The following PRKG1 variants were observed in gnomAD, a reference collection of about 807,000 sequenced individuals.
PRKG1 encodes cGMP-dependent protein kinase 1.
In PRKG1, 35 loss-of-function variants were observed where a neutral mutation model predicts 88.1. That is an observed-to-expected ratio of 0.40 (90% CI 0.30 to 0.53). PRKG1 has a LOEUF of 0.53. Among genes scored for constraint, PRKG1 ranks in the 20% least tolerant of loss-of-function variants. The pLI is 0.59. For synonymous variants in PRKG1, 303 were observed against 292.5 expected (o/e 1.04, Z -0.37); for missense variants, 540 against 839.8 (o/e 0.64, Z 4.41).
intron 3 of PRKG1, among the ~76,000 whole-genome samples, chr10:51,629,771 T>C (rs1053829989): frequency 6.6e-6 from 1 of 152,202 alleles, no homozygotes; most frequent in Non-Finnish European, 1.5e-5. Context: ...GGGTCGCGGA[T>C]CCATTCCTTT....
intron 7 of PRKG1, among the ~76,000 whole-genome samples, chr10:52,131,535 G>T (rs2132630478): frequency 6.6e-6 from 1 of 151,916 alleles, no homozygotes; most frequent in East Asian, 1.9e-4. Flanking sequence ...GTGGCAGGAG[G>T]GCGATGATGT....
chr10:51,550,117 T>C (rs1837089025), intron 3 of PRKG1, among the ~76,000 whole-genome samples: 1 of 152,102 alleles, frequency 6.6e-6, no homozygotes, highest in Non-Finnish European at 1.5e-5. Flanking sequence ...TCTCTAATAC[T>C]AAGTCTCTAC....
At chr10:51,099,490 T>C (rs1439469616) in intron 1 of PRKG1, among the ~76,000 whole-genome samples, 1 of 152,116 alleles carries the variant, frequency 6.6e-6, no homozygotes, top group African/African-American at 2.4e-5. Context: ...AAGAGGTGTT[T>C]GTGGGCTCTC....
At chr10:51,412,625 C>A (rs1168631051) in intron 2 of PRKG1, among the ~76,000 whole-genome samples, 1 of 152,098 alleles carries the variant, frequency 6.6e-6, no homozygotes, top group Non-Finnish European at 1.5e-5. Flanking sequence ...GCCTGAGTGA[C>A]AGAGCAAGAC....
At chr10:51,009,327 A>C (rs1037433868) in intron 1 of PRKG1, among the ~76,000 whole-genome samples, 3 of 152,180 alleles carry the variant, frequency 2.0e-5, no homozygotes, top group African/African-American at 7.2e-5. Flanking sequence ...ACATTTTGAA[A>C]CACAGTTATA....
At chr10:51,803,456 CCTT>C (rs1293520291) in intron 3 of PRKG1, among the ~76,000 whole-genome samples, 5 of 152,108 alleles carry the variant, frequency 3.3e-5, no homozygotes, top group Non-Finnish European at 5.9e-5. Flanking sequence ...CTCTTATCTT[CCTT>C]CTCCCCTGTT....
At chr10:52,196,555 T>C (rs1212161641) in intron 9 of PRKG1, among the ~76,000 whole-genome samples, 1 of 152,194 alleles carries the variant, frequency 6.6e-6, no homozygotes, top group Non-Finnish European at 1.5e-5. Context: ...ACTCATATAT[T>C]TACCAACAAC....
At chr10:51,726,965 G>C (rs1180344596) in intron 3 of PRKG1, among the ~76,000 whole-genome samples, 1 of 151,684 alleles carries the variant, frequency 6.6e-6, no homozygotes, top group Admixed American at 6.6e-5. Context: ...ATTTTTATTA[G>C]AGACAGGGTT....
At chr10:51,884,466 A>G (rs12358850) in intron 4 of PRKG1, among the ~76,000 whole-genome samples, 32,717 of 139,470 alleles carry the variant, frequency 0.23, 5,031 homozygotes, top group African/African-American at 0.32. Flanking sequence ...AAAAAAAAAA[A>G]AAAAGAAAAG....
At chr10:51,465,954 T>A (rs1403089311) in intron 2 of PRKG1, among the ~76,000 whole-genome samples, 1 of 152,164 alleles carries the variant, frequency 6.6e-6, no homozygotes, top group Non-Finnish European at 1.5e-5. Context: ...TTGACAATCA[T>A]CCAATGAAAT....
chr10:51,316,600 T>G (rs920322111), intron 2 of PRKG1, among the ~76,000 whole-genome samples: 3 of 152,112 alleles, frequency 2.0e-5, no homozygotes, highest in Non-Finnish European at 4.4e-5. Flanking sequence ...GAGAGTTGCT[T>G]GAACCCGGGA....
intron 3 of PRKG1, chr10:51,697,330 A>C: frequency 5.2e-6 from 1 of 192,406 alleles, no homozygotes; most frequent in South Asian, 1.3e-4. Flanking sequence ...ACGTTTTAAC[A>C]GGTCAACTTT....
chr10:52,197,375 G>A (rs998829876), intron 9 of PRKG1, among the ~76,000 whole-genome samples: 3 of 152,190 alleles, frequency 2.0e-5, no homozygotes, highest in African/African-American at 7.2e-5. Context: ...TCTACTGCTT[G>A]TTGTTTCAAA....
chr10:51,792,777 C>T (rs1174691507), intron 3 of PRKG1, among the ~76,000 whole-genome samples: 1 of 152,078 alleles, frequency 6.6e-6, no homozygotes, highest in Non-Finnish European at 1.5e-5. Flanking sequence ...GGATGGTTCA[C>T]ACAGCTTTGA....
chr10:52,079,202 C>T (rs528032672), intron 7 of PRKG1, among the ~76,000 whole-genome samples: 1 of 152,288 alleles, frequency 6.6e-6, no homozygotes, highest in South Asian at 2.1e-4. Context: ...AGCATTTCTC[C>T]CATTCATTCA....
intron 3 of PRKG1, among the ~76,000 whole-genome samples, chr10:51,727,707 A>G (rs1003112603): frequency 2.6e-5 from 4 of 152,190 alleles, no homozygotes; most frequent in African/African-American, 9.7e-5. Context: ...GTAGCTGACT[A>G]TAAGATTTAT....
intron 2 of PRKG1, among the ~76,000 whole-genome samples, chr10:51,238,321 C>T (rs34060144): frequency 1.9e-3 from 295 of 152,290 alleles, no homozygotes; most frequent in Non-Finnish European, 3.3e-3. Flanking sequence ...TGGCTCACGC[C>T]TATAATCCCA....
chr10:51,466,139 T>C (rs1008799407), intron 2 of PRKG1, among the ~76,000 whole-genome samples: 3 of 152,118 alleles, frequency 2.0e-5, no homozygotes, highest in African/African-American at 7.2e-5. Context: ...CTCTCATTCT[T>C]GAGTGGTAGA....
intron 3 of PRKG1, among the ~76,000 whole-genome samples, chr10:51,580,715 C>A (rs914607374): frequency 6.6e-6 from 1 of 151,360 alleles, no homozygotes; most frequent in East Asian, 1.9e-4. Context: ...AAATTATATT[C>A]TTTTTTTTTG....
Sources: allele counts gnomAD v4.1 joint callset (sites outside exome capture counted in the v4.1 genomes callset), GRCh38; gene constraint gnomAD v4.1.1; transcripts MANE v1.5; gene names NCBI Gene and HGNC (gene_info 2026-07-23, HGNC 2026-07-21).